Variants in FAM221B observed in about 807,000 individuals in gnomAD.
FAM221B encodes the protein family with sequence similarity 221 member B.
A neutral mutation model predicts 39.8 loss-of-function variants in FAM221B; 35 were observed. The ratio of observed to expected loss-of-function variants is 0.88; its 90% confidence interval spans 0.67 to 1.17. FAM221B has a LOEUF of 1.17. FAM221B is among the 50% of genes most tolerant of loss of function. FAM221B has a pLI of 0.00. For missense variants in FAM221B, 479 were observed against 503.1 expected (o/e 0.95, Z 0.46); for synonymous variants, 158 against 178.1 (o/e 0.89, Z 0.90).
intron 4 of FAM221B, 34 bp downstream of exon 4, chr9:35,819,856 C>A (rs1319737469): frequency 1.6e-6 from 2 of 1,280,134 alleles, no homozygotes. Flanking sequence ...GTTATTCCTC[C>A]ACACTCGAGA....
intron 3 of FAM221B, among the ~76,000 whole-genome samples, chr9:35,824,394 T>C (rs965929055): frequency 2.6e-5 from 4 of 152,170 alleles, no homozygotes; most frequent in Non-Finnish European, 5.9e-5. Flanking sequence ...TCAAGAGTAC[T>C]AATCACAGGC....
At chr9:35,819,095 C>T (rs45628845) in intron 5 of FAM221B, 86 bp from the exon 6 acceptor site, 19,396 of 1,539,134 alleles carry the variant, frequency 0.013, 154 homozygotes, top group Non-Finnish European at 0.015. Flanking sequence ...CCTCAGTGAC[C>T]GCATGCCCAA....
At chr9:35,819,813 T>A in intron 4 of FAM221B, 77 bp downstream of exon 4, 1 of 1,225,096 alleles carries the variant, frequency 8.2e-7, no homozygotes, top group Non-Finnish European at 1.2e-6. Flanking sequence ...CCACATGCTC[T>A]CTCTCATACT....
At position 35,816,458 on chromosome 9, in the gene FAM221B, A is replaced by T. The variant is rs1394426925; in HGVS notation, c.*2011T>A. The T allele has an allele frequency of 6.6e-6, 1 of 151,510 alleles. No individual in the cohort carries two copies. Among genetic ancestry groups the T allele is most frequent in the African/African-American group, 2.4e-5 (1 of 41,224 alleles). 9.4% of individuals were successfully genotyped at this position (151,510 alleles called of 1,614,324 possible). On this transcript the variant is annotated 3_prime_UTR_variant, in exon 7 of 7. Coordinates refer to ENST00000423537, the MANE Select transcript of FAM221B (RefSeq NM_001012446.4). ...GGTGGTCAGTAATTGTTGAATGAAT[A>T]ACATTTGGTGTTTCCTGTCTTTTTT...
At chr9:35,821,442 A>C (rs1293046192) in intron 3 of FAM221B, 1 of 1,367,800 alleles carries the variant, frequency 7.3e-7, no homozygotes, top group Non-Finnish European at 9.8e-7. Flanking sequence ...TCTTACCCAT[A>C]GTCTGTCAGG....
intron 1 of FAM221B, chr9:35,826,931 C>T (rs958469239): frequency 1.3e-5 from 2 of 152,396 alleles, no homozygotes; most frequent in African/African-American, 4.8e-5. Context: ...CTCAGCCTCC[C>T]AAGTAGCTGG....
chr9:35,828,606 T>G lies in FAM221B; in HGVS notation c.-144A>C. ...GCAGGTGCTGAGTGTTGAAATGCCT[T>G]GCCTGAAAGTCTGCTATCTGGGAAG... On this transcript the variant is annotated 5_prime_UTR_variant, in exon 1 of 7. Coordinates refer to ENST00000423537, the MANE Select transcript of FAM221B (RefSeq NM_001012446.4). The surrounding 1 kb of genome is among the most constrained non-coding windows in gnomAD (Gnocchi z 4.5). The G allele has an allele frequency of 1.0e-6, 1 of 985,516 alleles. No individual in the cohort carries two copies. Among genetic ancestry groups the G allele is most frequent in the South Asian group, 4.7e-5 (1 of 21,296 alleles). The allele number at this position is 985,516 out of a possible 1,614,324, so 61.0% of individuals were successfully genotyped here. A position where few individuals can be genotyped will look rare whatever the true frequency, so the allele number is the denominator to read the frequency against.
Position 35,825,162 on chromosome 9 carries a change from C to A in FAM221B, c.742+68G>T, listed in dbSNP as rs912706004. 1.6e-5 allele frequency: 25 copies of A among 1,580,794 alleles called. No individual in the cohort carries two copies. Among genetic ancestry groups the A allele is most frequent in the Non-Finnish European group, 2.0e-5 (23 of 1,157,244 alleles). ...AGCTATCTGCTGAATGTTCAGGTTC[C>A]CAGATCTTTTGGATTAGAGGATGCC... On this transcript the variant is annotated intron_variant, in intron 3 of 6. Coordinates refer to ENST00000423537, the MANE Select transcript of FAM221B (RefSeq NM_001012446.4). The surrounding 1 kb of genome is among the most constrained non-coding windows in gnomAD (Gnocchi z 4.2).
rs777272783 is a variant in FAM221B at position 35,825,941 on chromosome 9, G to A, written c.221C>T (p.Thr74Ile). The A allele has an allele frequency of 6.2e-7, 1 of 1,614,096 alleles. No homozygotes were observed. Among genetic ancestry groups the A allele is most frequent in the Admixed American group, 1.7e-5 (1 of 60,030 alleles). Residue 74 changes from threonine (T) to isoleucine (I), a missense_variant, in exon 2 of 7, where the codon ACC becomes ATC. By Grantham distance (89) the Thr-to-Ile change is moderately conservative (BLOSUM62 -1). Coordinates refer to ENST00000423537, the MANE Select transcript of FAM221B (RefSeq NM_001012446.4). The surrounding 1 kb of genome is among the most constrained non-coding windows in gnomAD (Gnocchi z 4.2). ...QIPLEAHSPE[T>I]HQEPSISETP... is the part of the protein sequence containing the mutation. ...CTCAGAGATGGAAGGCTCCTGATGGGTTTCAGGGGAATGGGCCTCTAAGGG... is the reference window on the plus strand; with the variant it reads ...CTCAGAGATGGAAGGCTCCTGATGGATTTCAGGGGAATGGGCCTCTAAGGG...
intron 4 of FAM221B, 63 bp from the exon 5 acceptor site, chr9:35,819,457 C>G (rs1829093411): frequency 1.4e-6 from 2 of 1,414,502 alleles, no homozygotes; most frequent in South Asian, 2.6e-5. Flanking sequence ...CATGCCAACC[C>G]CATCCTCCAT....
intron 4 of FAM221B, 85 bp from the exon 5 acceptor site, chr9:35,819,479 C>G (rs141082193): frequency 1.4e-5 from 18 of 1,245,954 alleles, no homozygotes; most frequent in African/African-American, 6.1e-5. Flanking sequence ...CCCACCACCC[C>G]CTATGCACGC....
intron 1 of FAM221B, among the ~76,000 whole-genome samples, chr9:35,827,266 CCCTT>C (rs1435122646): frequency 9.8e-5 from 15 of 152,338 alleles, no homozygotes; most frequent in Non-Finnish European, 2.9e-5. Context: ...TCTCTCCTCT[CCCTT>C]CCAATTTTAT....
At position 35,818,896 on chromosome 9, in the gene FAM221B, G is replaced by C; in HGVS notation, c.1165C>G (p.Pro389Ala). Residue 389 changes from proline to alanine, a missense_variant, in exon 6 of 7, where the codon CCT becomes GCT. Pro to Ala is a conservative substitution (Grantham distance 27). Transcript: ENST00000423537. Reference protein sequence around the residue: ...TQKTRQRGGRPRGTDTVSNWH... With the variant: ...TQKTRQRGGRARGTDTVSNWH... The stretch of plus-strand genomic sequence containing the variant: ...TCCCAGGTTTCTGCCTCACCGCGAG[G>C]CCTTCCTCCTCGTTGCCGGGTCTTC... The C allele has an allele frequency of 6.4e-7, 1 of 1,551,872 alleles. No individual in the cohort carries two copies. The highest frequency in any genetic ancestry group is 8.7e-7 in the Non-Finnish European group (1 of 1,147,062).
At chr9:35,818,571 A>C in intron 6 of FAM221B, 65 bp from the exon 7 acceptor site, 1 of 1,486,426 alleles carries the variant, frequency 6.7e-7, no homozygotes, top group Non-Finnish European at 9.2e-7. Context: ...GCCAGGCTGG[A>C]GACCGTGTGA....
rs1829039395 is a variant in FAM221B at position 35,817,161 on chromosome 9, T to C, written c.*1308A>G. 6.6e-6 allele frequency: 1 copy of C among 152,242 alleles called. No individual in the cohort carries two copies. Among genetic ancestry groups the C allele is most frequent in the South Asian group, 2.1e-4 (1 of 4,834 alleles). The allele number at this position is 152,242 out of a possible 1,614,324, so 9.4% of individuals were successfully genotyped here. A position where few individuals can be genotyped will look rare whatever the true frequency, so the allele number is the denominator to read the frequency against. ...CTGGGTTCACAGAGCCCATTAGTGC[T>C]GGAATCTCCTACTCCCATAAGAACC... On this transcript the variant is annotated 3_prime_UTR_variant, in exon 7 of 7. Coordinates refer to ENST00000423537, the MANE Select transcript of FAM221B (RefSeq NM_001012446.4).
intron 3 of FAM221B, 113 bp from the exon 4 acceptor site, chr9:35,820,113 C>A: frequency 3.1e-6 from 2 of 647,946 alleles, no homozygotes; most frequent in Admixed American, 2.7e-5. Flanking sequence ...CTCTCCCCAC[C>A]CCCAGGTATC....
intron 1 of FAM221B, among the ~76,000 whole-genome samples, chr9:35,826,562 T>C (rs954981194): frequency 1.3e-5 from 2 of 152,142 alleles, no homozygotes; most frequent in African/African-American, 4.8e-5. Flanking sequence ...AGACTGGCAA[T>C]ACCAAGCCAA....
intron 6 of FAM221B, 67 bp downstream of exon 6, chr9:35,818,823 T>C (rs1436533046): frequency 6.5e-7 from 1 of 1,541,892 alleles, no homozygotes; most frequent in East Asian, 2.4e-5. Context: ...AGGATGGGAG[T>C]GCCTTCCTGC....
chr9:35,827,358 C>T (rs956716054), intron 1 of FAM221B, among the ~76,000 whole-genome samples: 2 of 152,180 alleles, frequency 1.3e-5, no homozygotes, highest in Non-Finnish European at 2.9e-5. Flanking sequence ...AATCCATTCA[C>T]CCATTCTTTC....
Sources: allele counts gnomAD v4.1 joint callset (sites outside exome capture counted in the v4.1 genomes callset), GRCh38; gene constraint gnomAD v4.1.1; non-coding constraint Gnocchi (gnomAD v3.1); transcripts MANE v1.5; gene names NCBI Gene and HGNC (gene_info 2026-07-23, HGNC 2026-07-21).